KLHL10: variants seen among roughly 807,000 people sequenced by gnomAD.
The protein encoded by KLHL10 is kelch like family member 10.
Under a neutral mutation model 46.6 loss-of-function variants are expected in KLHL10, and 11 were observed. The ratio of observed to expected loss-of-function variants is 0.24; its 90% CI spans 0.15 to 0.39. KLHL10 has a LOEUF of 0.39. Among genes scored for constraint, KLHL10 ranks in the 10% least tolerant of loss-of-function variants. KLHL10 has a pLI of 1.00. For synonymous variants in KLHL10, 254 were observed against 279.1 expected, an observed-to-expected ratio of 0.91 and a Z score of 0.90; for missense variants, 475 against 789.8, an observed-to-expected ratio of 0.60 and a Z score of 4.78.
intron 1 of KLHL10, among the ~76,000 whole-genome samples, chr17:41,839,490 T>C (rs2048205321): frequency 6.6e-6 from 1 of 152,026 alleles, no homozygotes; most frequent in South Asian, 2.1e-4. Flanking sequence ...TAACAAGGAT[T>C]AAGGGGATGG....
In KLHL10 at chr17:41,842,048, T is replaced by C. The variant is rs782026183; in HGVS notation, c.420T>C (p.Asn140=). 23 of 1,614,146 alleles carry C rather than the reference T, an allele frequency of 1.4e-5. No homozygotes were observed. The highest frequency in any genetic ancestry group is 1.9e-5 in the Non-Finnish European group (23 of 1,180,038). Residue 140 remains asparagine, a synonymous_variant, in exon 2 of 5, where the codon AAT becomes AAC. Coordinates refer to ENST00000293303, the MANE Select transcript of KLHL10 (RefSeq NM_152467.5). The part of the protein sequence containing the change: ...EFLKSELCLD[N]CIGICKFTDY... ...TCAAGTCAGAGCTGTGCTTGGATAA[T>C]TGTATCGGCATCTGTAAGTTCACGG...
At position 41,847,873 on chromosome 17, in the gene KLHL10, C is replaced by G. The variant is rs560021960; in HGVS notation, c.1453-60C>G. The G allele has an allele frequency of 2.2e-5, 35 of 1,606,956 alleles. No individual in the cohort carries two copies. In the African/African-American group the frequency reaches 4.1e-4, roughly 19 times the overall value. On this transcript the variant is annotated intron_variant, in intron 4 of 4. Transcript: ENST00000293303. ...AGATCACTGGTACCCCCAACAAGGG[C>G]TTCCTCAGTGAACAGAATCAATGGT...
chr17:41,845,575 T>C lies in KLHL10; in HGVS notation c.1134T>C (p.Tyr378=), dbSNP rs2048275846. The change falls in exon 3 of 5, where the codon TAT becomes TAC. Residue 378 remains tyrosine, a synonymous_variant. Transcript: ENST00000293303. The part of the protein sequence containing the change: ...QVAPMHSRRC[Y]VSVTVLGNFI... ...CCCCGATGCACTCCAGACGTTGCTA[T>C]GTCAGTGTGACAGTCCTCGGCAATT... is the stretch of plus-strand genomic sequence containing the variant. 1 of 1,614,244 alleles carries C rather than the reference T, an allele frequency of 6.2e-7. No homozygotes were observed. Among genetic ancestry groups the C allele is most frequent in the Non-Finnish European group, 8.5e-7 (1 of 1,180,040 alleles).
At chr17:41,837,821 C>A (rs937158903), upstream of KLHL10, 7 of 1,572,772 alleles carry the variant, frequency 4.5e-6, no homozygotes, top group Middle Eastern at 2.3e-4. Flanking sequence ...GCCTGATAGA[C>A]CCTATACAAA....
chr17:41,847,386 T>G lies in KLHL10; in HGVS notation c.1428T>G (p.Ile476Met). 1 of 1,614,148 alleles carries G rather than the reference T, an allele frequency of 6.2e-7. No homozygotes were observed. Among genetic ancestry groups the G allele is most frequent in the Non-Finnish European group, 8.5e-7 (1 of 1,180,012 alleles). The change falls in exon 4 of 5, where the codon ATT becomes ATG. Residue 476 changes from isoleucine to methionine, a missense_variant. Coordinates refer to ENST00000293303, the MANE Select transcript of KLHL10 (RefSeq NM_152467.5). ...GCAGGAGGAGTGGAATAGGCGTGAT[T>G]GCTTATGGAGAACATGTATATGCGG... Reference protein sequence around the residue: ...MRSRRSGIGVIAYGEHVYAVG... With the variant: ...MRSRRSGIGVMAYGEHVYAVG...
At chr17:41,838,550 C>A (rs2048192706) in intron 1 of KLHL10, among the ~76,000 whole-genome samples, 1 of 151,902 alleles carries the variant, frequency 6.6e-6, no homozygotes, top group Admixed American at 6.6e-5. Flanking sequence ...CTGTGCCTGG[C>A]CAACTCTGGT....
chr17:41,836,501 T>A, upstream of KLHL10: 1 of 971,184 alleles, frequency 1.0e-6, no homozygotes, highest in Non-Finnish European at 1.2e-6. Context: ...CCAAACGTGG[T>A]CATTTCCAGG....
chr17:41,836,284 G>GGGC, upstream of KLHL10: 1 of 1,232,490 alleles, frequency 8.1e-7, no homozygotes, highest in African/African-American at 1.6e-5. Context: ...AGCCCGGGCG[G>GGGC]GGGTTGGTGG....
intron 4 of KLHL10, 110 bp downstream of exon 4, chr17:41,847,520 T>TG (rs2048302123): frequency 7.3e-7 from 1 of 1,361,278 alleles, no homozygotes; most frequent in Non-Finnish European, 1.0e-6. Flanking sequence ...CTTTTTTTTT[T>TG]TTTGAGATGG....
At chr17:41,838,197 T>A (rs1555620396) in intron 1 of KLHL10, 71 bp downstream of exon 1, 23 of 1,293,266 alleles carry the variant, frequency 1.8e-5, no homozygotes. Flanking sequence ...ATCCATTTTC[T>A]GTTTCCCACC....
chr17:41,840,120 C>A (rs371398795), intron 1 of KLHL10, among the ~76,000 whole-genome samples: 1 of 152,194 alleles, frequency 6.6e-6, no homozygotes, highest in East Asian at 1.9e-4. Context: ...CGTGAGCCAA[C>A]GCGCTCAGCT....
upstream of KLHL10, chr17:41,836,462 C>G (rs936196053): frequency 5.0e-5 from 49 of 984,946 alleles, no homozygotes; most frequent in East Asian, 3.7e-3. Flanking sequence ...AGGTAGGGTT[C>G]TGCCACTCTT....
chr17:41,847,411 G>GT lies in KLHL10; in HGVS notation c.1452+2dup. On this transcript the variant is annotated splice_donor_variant, in intron 4 of 4. Transcript: ENST00000293303. LOFTEE classifies it high-confidence loss of function. ...TGCTTATGGAGAACATGTATATGCG[G>GT]TAAGTTTATCTAGTACCACACACAC... is the stretch of plus-strand genomic sequence containing the variant. 1 of 1,613,700 alleles carries GT rather than the reference G, an allele frequency of 6.2e-7. No individual in the cohort carries two copies. The highest frequency in any genetic ancestry group is 8.5e-7 in the Non-Finnish European group (1 of 1,179,792).
intron 3 of KLHL10, 41 bp from the exon 4 acceptor site, chr17:41,847,220 C>T (rs1555621546): frequency 6.3e-7 from 1 of 1,597,448 alleles, no homozygotes; most frequent in East Asian, 2.2e-5. Context: ...TTTCTACTCC[C>T]TAGAGTGGGA....
rs200000118 is a variant in KLHL10, at chr17:41,848,241, C to T, written c.1761C>T (p.Asn587=). Residue 587 remains asparagine (N), a synonymous_variant, in exon 5 of 5, where the codon AAC becomes AAT. Transcript: ENST00000293303. The part of the protein sequence containing the change: ...NVEEYAARRD[N]FPGLALRDEV... Reference sequence around the variant, plus strand: ...AGGAATATGCAGCTAGACGGGACAACTTCCCAGGATTAGCACTGCGAGATG... The same window carrying T: ...AGGAATATGCAGCTAGACGGGACAATTTCCCAGGATTAGCACTGCGAGATG... The T allele has an allele frequency of 9.0e-5, 146 of 1,613,978 alleles. No individual in the cohort carries two copies. The African/African-American group carries it at 1.7e-3, about 19-fold the overall frequency.
rs1464857910 is a variant in KLHL10, at chr17:41,845,875, G to A, written c.1302+132G>A. ...TGGAGTACTCATTCTTTCTTCAATT[G>A]ACAAGGTGACTAGTTGCAACTGTCT... On this transcript the variant is annotated intron_variant, in intron 3 of 4. Transcript: ENST00000293303. 2.6e-6 allele frequency: 3 copies of A among 1,152,072 alleles called. No homozygotes were observed. In the East Asian group the frequency reaches 7.5e-5, roughly 29 times the overall value. 71.4% of individuals were successfully genotyped at this position (1,152,072 alleles called of 1,614,324 possible).
chr17:41,840,197 A>G lies in KLHL10; in HGVS notation c.195-1626A>G, dbSNP rs1381236419. Among the ~76,000 whole-genome samples, 4 of 152,142 alleles carry G rather than the reference A, an allele frequency of 2.6e-5. No homozygotes were observed. In the East Asian group the frequency reaches 7.7e-4, roughly 29 times the overall value. On this transcript the variant is annotated intron_variant, in intron 1 of 4. Transcript: ENST00000293303. ...GCAGGCCACACAGTCTGTTGCAACTACTCTGTTTTTATACTGCAAAAGCAG... is the reference window on the plus strand; with the variant it reads ...GCAGGCCACACAGTCTGTTGCAACTGCTCTGTTTTTATACTGCAAAAGCAG...
In KLHL10 at chr17:41,848,237, A is replaced by G. The variant is rs782434437; in HGVS notation, c.1757A>G (p.Asp586Gly). 12 of 1,613,892 alleles carry G rather than the reference A, an allele frequency of 7.4e-6. No individual in the cohort carries two copies. The Admixed American group carries it at 2.0e-4, about 27-fold the overall frequency. ...ANVEEYAARR[D>G]NFPGLALRDE... ...GTTGAGGAATATGCAGCTAGACGGGACAACTTCCCAGGATTAGCACTGCGA... is the reference window on the plus strand; with the variant it reads ...GTTGAGGAATATGCAGCTAGACGGGGCAACTTCCCAGGATTAGCACTGCGA... Residue 586 changes from aspartate to glycine, a missense_variant, in exon 5 of 5, where the codon GAC becomes GGC. Transcript: ENST00000293303.
At chr17:41,841,031 T>TC (rs2048220623) in intron 1 of KLHL10, among the ~76,000 whole-genome samples, 1 of 151,492 alleles carries the variant, frequency 6.6e-6, no homozygotes, top group African/African-American at 2.4e-5. Context: ...TCCCAGCTAC[T>TC]CAAGAGGCTG....
Sources: allele counts gnomAD v4.1 joint callset (sites outside exome capture counted in the v4.1 genomes callset), GRCh38; gene constraint gnomAD v4.1.1; transcripts MANE v1.5; gene names NCBI Gene and HGNC (gene_info 2026-07-23, HGNC 2026-07-21).